IPO11: variants seen among roughly 807,000 people sequenced by gnomAD.
IPO11 encodes importin 11, also known as importin-11.
In IPO11, 66 loss-of-function variants were observed where a neutral mutation model predicts 143.2. That is an observed-to-expected ratio of 0.46 (90% CI 0.38 to 0.57). The LOEUF (loss-of-function observed/expected upper bound fraction) is 0.57. Ranked by LOEUF, IPO11 falls within the 20% of genes least tolerant of loss-of-function variation. The pLI, the probability that IPO11 is intolerant of heterozygous loss-of-function variation, is 0.00. For missense variants in IPO11, 1,026 were observed against 1,141.0 expected (o/e 0.90, Z 1.45); for synonymous variants, 385 against 377.8 (o/e 1.02, Z -0.22).
intron 24 of IPO11, among the ~76,000 whole-genome samples, chr5:62,541,616 G>A (rs2112331756): frequency 6.6e-6 from 1 of 152,056 alleles, no homozygotes; most frequent in East Asian, 1.9e-4. Flanking sequence ...GGGGGTTGGA[G>A]GCTGCAGTGA....
rs71608515 is a variant in IPO11, at chr5:62,596,268, C to CAAAAAAAAAAA, written c.2678+4601_2678+4611dup. Among the ~76,000 whole-genome samples the CAAAAAAAAAAA allele has an allele frequency of 2.5e-3, 239 of 95,622 alleles. 11 individuals are homozygous for CAAAAAAAAAAA. The highest frequency in any genetic ancestry group is 9.4e-3 in the African/African-American group (207 of 21,970). 62.7% of individuals were successfully genotyped at this position (95,622 alleles called of 152,430 possible). A position where few individuals can be genotyped will look rare whatever the true frequency, so the allele number is the denominator to read the frequency against. Reference sequence around the variant, plus strand: ...TGGGTGACAGACCAAGGCCCTGTCTCAAAAAAAAAAAAAAAGAATTTAGCC... The same window carrying CAAAAAAAAAAA: ...TGGGTGACAGACCAAGGCCCTGTCTCAAAAAAAAAAAAAAAAAAAAAAAAAAGAATTTAGCC... On this transcript the variant is annotated intron_variant, in intron 28 of 29. Coordinates refer to ENST00000325324, the MANE Select transcript of IPO11 (RefSeq NM_016338.5).
At chr5:62,487,930 C>A in intron 13 of IPO11, 69 bp downstream of exon 13, 1 of 1,298,608 alleles carries the variant, frequency 7.7e-7, no homozygotes, top group Non-Finnish European at 1.1e-6. Flanking sequence ...AGTCTGAGTG[C>A]CTACAATGCA....
intron 5 of IPO11, among the ~76,000 whole-genome samples, chr5:62,462,638 C>G (rs757582101): frequency 2.6e-5 from 4 of 152,144 alleles, no homozygotes; most frequent in Non-Finnish European, 5.9e-5. Context: ...TCAAGCAATC[C>G]TCCTGTCTCA....
At chr5:62,547,235 G>A (rs1303625934) in intron 24 of IPO11, among the ~76,000 whole-genome samples, 3 of 152,058 alleles carry the variant, frequency 2.0e-5, no homozygotes, top group Admixed American at 1.3e-4. Context: ...TTGTTATTTT[G>A]AAACTCATAT....
chr5:62,420,359 C>G (rs956946498), intron 1 of IPO11, among the ~76,000 whole-genome samples: 1 of 151,524 alleles, frequency 6.6e-6, no homozygotes, highest in African/African-American at 2.4e-5. Flanking sequence ...CTTATTATCA[C>G]TTTCAAGTGT....
intron 1 of IPO11, among the ~76,000 whole-genome samples, chr5:62,419,979 T>G (rs571449683): frequency 6.6e-6 from 1 of 152,090 alleles, no homozygotes; most frequent in East Asian, 1.9e-4. Context: ...CTACCTCAGG[T>G]GACAGAGATC....
At chr5:62,463,294 C>T (rs1315456601) in intron 5 of IPO11, among the ~76,000 whole-genome samples, 1 of 152,038 alleles carries the variant, frequency 6.6e-6, no homozygotes, top group Non-Finnish European at 1.5e-5. Flanking sequence ...GATCCTCTTG[C>T]CTTAGCCTCC....
At chr5:62,579,520 G>T (rs1048203942) in intron 27 of IPO11, 16 of 1,550,860 alleles carry the variant, frequency 1.0e-5, no homozygotes, top group Non-Finnish European at 1.2e-5. Flanking sequence ...ACTCCACAAA[G>T]AAATACTTGG....
At position 62,449,952 on chromosome 5, in the gene IPO11, A is replaced by G. The variant is rs748386517; in HGVS notation, c.265A>G (p.Thr89Ala). The change falls in exon 4 of 30, where the codon ACT becomes GCT. Residue 89 changes from threonine to alanine, a missense_variant. By Grantham distance (58) the Thr-to-Ala change is moderately conservative (BLOSUM62 0). Around this residue, in one of 5 missense-constraint regions of IPO11, gnomAD observed 429 missense variants for 456.3 expected, o/e 0.94. Coordinates refer to ENST00000325324, the MANE Select transcript of IPO11 (RefSeq NM_016338.5). The stretch of plus-strand genomic sequence containing the variant: ...TGCTCTCTCAGAGGAGGAGAAAACT[A>G]CTCTGCGTGCAGGGCTCATCACCAA... ...PHALSEEEKT[T>A]LRAGLITNFN... 3.9e-5 allele frequency: 62 copies of G among 1,591,364 alleles called. 1 individual carries two copies. Among genetic ancestry groups the G allele is most frequent in the South Asian group, 3.6e-4 (31 of 85,454 alleles).
At chr5:62,555,301 T>A (rs115097982) in intron 26 of IPO11, among the ~76,000 whole-genome samples, 2,544 of 151,692 alleles carry the variant, frequency 0.017, 67 homozygotes, top group African/African-American at 0.059. Flanking sequence ...TTTTAAATTT[T>A]AAAAATTTGC....
rs376946552 is a variant in IPO11, at chr5:62,487,579, A to G, written c.1219-192A>G. Among the ~76,000 whole-genome samples, 4 of 152,244 alleles carry G rather than the reference A, an allele frequency of 2.6e-5. No homozygotes were observed. The East Asian group carries it at 7.7e-4, about 29-fold the overall frequency. On this transcript the variant is annotated intron_variant, in intron 12 of 29. Coordinates refer to ENST00000325324, the MANE Select transcript of IPO11 (RefSeq NM_016338.5). ...TGAAATCAACTTTCTTTTATTAATTATAATTCGATTTTGTTTTCCTTTGTG... is the reference window on the plus strand; with the variant it reads ...TGAAATCAACTTTCTTTTATTAATTGTAATTCGATTTTGTTTTCCTTTGTG...
At chr5:62,452,534 A>G (rs139447606) in intron 5 of IPO11, among the ~76,000 whole-genome samples, 1 of 151,078 alleles carries the variant, frequency 6.6e-6, no homozygotes, top group East Asian at 1.9e-4. Flanking sequence ...TAGAGTTGAC[A>G]TTTAGGAGGA....
intron 27 of IPO11, among the ~76,000 whole-genome samples, chr5:62,570,941 T>C (rs2112384177): frequency 6.6e-6 from 1 of 152,298 alleles, no homozygotes; most frequent in Admixed American, 6.5e-5. Context: ...TGTTTCTCAG[T>C]GAGAGTGAGG....
chr5:62,584,721 T>C (rs1052738939), intron 27 of IPO11, among the ~76,000 whole-genome samples: 1 of 148,988 alleles, frequency 6.7e-6, no homozygotes, highest in Non-Finnish European at 1.5e-5. Context: ...GTCTGAAGCA[T>C]AGCTTTTTTT....
At chr5:62,445,356 A>G (rs552381718) in intron 3 of IPO11, among the ~76,000 whole-genome samples, 3 of 152,230 alleles carry the variant, frequency 2.0e-5, no homozygotes, top group African/African-American at 4.8e-5. Context: ...GAATTCATCT[A>G]ATGATAACAT....
At chr5:62,443,597 A>G (rs914584174) in intron 3 of IPO11, among the ~76,000 whole-genome samples, 14 of 151,952 alleles carry the variant, frequency 9.2e-5, no homozygotes, top group African/African-American at 3.4e-4. Flanking sequence ...ACCCCATCTC[A>G]AGAAAAAAGA....
chr5:62,557,025 G>A (rs551409820), intron 26 of IPO11, among the ~76,000 whole-genome samples: 25 of 152,132 alleles, frequency 1.6e-4, no homozygotes, highest in African/African-American at 6.0e-4. Flanking sequence ...AAATCCCTTG[G>A]TACATCAGGA....
chr5:62,573,244 C>G (rs1181000015), intron 27 of IPO11, among the ~76,000 whole-genome samples: 1 of 152,112 alleles, frequency 6.6e-6, no homozygotes, highest in Non-Finnish European at 1.5e-5. Flanking sequence ...TGAGGGTAAT[C>G]ATAGTACCCT....
At chr5:62,621,719 T>C (rs761136310) in intron 29 of IPO11, among the ~76,000 whole-genome samples, 6 of 152,204 alleles carry the variant, frequency 3.9e-5, no homozygotes, top group Non-Finnish European at 5.9e-5. Context: ...TGTTATATGC[T>C]AGCAATAACT....
Sources: allele counts gnomAD v4.1 joint callset (sites outside exome capture counted in the v4.1 genomes callset), GRCh38; gene constraint gnomAD v4.1.1; regional missense constraint gnomAD v4.1.1; transcripts MANE v1.5; gene names NCBI Gene and HGNC (gene_info 2026-07-23, HGNC 2026-07-21).